MAX: variants seen among roughly 807,000 people sequenced by gnomAD.
The protein encoded by MAX is MYC associated transcriptional regulator X, also known as protein max.
MAX carries 3 observed loss-of-function variants against 22.3 expected under a neutral mutation model. The observed-to-expected ratio is 0.13, with a 90% confidence interval of 0.06 to 0.35. MAX has a LOEUF of 0.35. Among genes scored for constraint, MAX ranks in the 10% least tolerant of loss-of-function variants. MAX has a pLI of 1.00. For missense variants in MAX, 119 were observed against 209.4 expected (o/e 0.57, Z 2.66); for synonymous variants, 72 against 77.7 (o/e 0.93, Z 0.39).
At chr14:65,022,344 T>A (rs996762583) in intron 3 of MAX, among the ~76,000 whole-genome samples, 11 of 152,036 alleles carry the variant, frequency 7.2e-5, no homozygotes, top group Non-Finnish European at 1.3e-4. Context: ...TTATAACTTA[T>A]CCTAGGCCTT....
chr14:65,089,248 C>A (rs1005210456), intron 3 of MAX, among the ~76,000 whole-genome samples: 1 of 152,184 alleles, frequency 6.6e-6, no homozygotes, highest in Non-Finnish European at 1.5e-5. Flanking sequence ...AACTGAGAAC[C>A]TACTATGTGC....
chr14:65,055,755 G>A (rs1566579925), intron 3 of MAX, among the ~76,000 whole-genome samples: 1 of 152,112 alleles, frequency 6.6e-6, no homozygotes, highest in South Asian at 2.1e-4. Context: ...GGCCTCAAGT[G>A]ATATGCCTGC....
intron 3 of MAX, chr14:65,040,705 T>G: frequency 7.0e-7 from 1 of 1,423,996 alleles, no homozygotes; most frequent in Non-Finnish European, 9.3e-7. Context: ...CTGAGTGAAC[T>G]TTTTCTCTGC....
Position 65,075,804 on chromosome 14 carries a change from C to T in MAX, c.*672G>A. 9.4e-7 allele frequency: 1 copy of T among 1,065,524 alleles called. No homozygotes were observed. Among genetic ancestry groups the T allele is most frequent in the South Asian group, 4.5e-5 (1 of 22,004 alleles). 66.0% of individuals were successfully genotyped at this position (1,065,524 alleles called of 1,614,324 possible). On this transcript the variant is annotated 3_prime_UTR_variant, in exon 5 of 5. Transcript: ENST00000358664. This position sits in a 1 kb window ranked among gnomAD's most constrained non-coding sequence, Gnocchi z 4.1. The stretch of plus-strand genomic sequence containing the variant: ...GAGTGTCACACGGCCCTCCGTGAGG[C>T]TGGCGCCGCAGGCTTAAACAGCTGG...
In MAX at chr14:65,012,464, A is replaced by G; in HGVS notation, c.172-6180T>C. The G allele has an allele frequency of 3.8e-6, 6 of 1,585,694 alleles. No homozygotes were observed. The highest frequency in any genetic ancestry group is 4.3e-6 in the Non-Finnish European group (5 of 1,159,872). On this transcript the variant is annotated intron_variant, in intron 3 of 3. Transcript: ENST00000341653. This position sits in a 1 kb window ranked among gnomAD's most constrained non-coding sequence, Gnocchi z 5.0. ...TCCTCCTTTTTCTATTTAAACGTAA[A>G]AGACTGTTGGGGCTGACCTGTTGCA...
chr14:65,080,001 C>T (rs1015706343), intron 3 of MAX, among the ~76,000 whole-genome samples: 4 of 152,164 alleles, frequency 2.6e-5, no homozygotes, highest in African/African-American at 9.7e-5. Context: ...CCAAAGCTTA[C>T]TTACTATCTA....
In MAX at chr14:65,088,580, A is replaced by C. The variant is rs1448316850; in HGVS notation, c.171+5128T>G. 6.6e-6 allele frequency among the ~76,000 whole-genome samples: 1 copy of C among 152,236 alleles called. No homozygotes were observed. The highest frequency in any genetic ancestry group is 1.9e-4 in the East Asian group (1 of 5,204). On this transcript the variant is annotated intron_variant, in intron 3 of 4. Transcript: ENST00000358664. This position sits in a 1 kb window ranked among gnomAD's most constrained non-coding sequence, Gnocchi z 5.2. ...GATATGCTATAGACATAGGTTACCG[A>C]ATGAACTGTCAGCCTTAAACGCATC...
intron 3 of MAX, among the ~76,000 whole-genome samples, chr14:65,008,499 T>C (rs1595007338): frequency 6.6e-6 from 1 of 152,164 alleles, no homozygotes; most frequent in Non-Finnish European, 1.5e-5. Flanking sequence ...AACACAAATA[T>C]ACAGTTACCG....
intron 3 of MAX, among the ~76,000 whole-genome samples, chr14:65,025,385 G>A (rs948814630): frequency 1.5e-4 from 23 of 152,136 alleles, no homozygotes; most frequent in Non-Finnish European, 3.2e-4. Flanking sequence ...GAAACCTTTT[G>A]GTATGCTAGT....
chr14:65,077,281 C>T lies in MAX; in HGVS notation c.296-618G>A. 7.9e-7 allele frequency: 1 copy of T among 1,257,896 alleles called. No individual in the cohort carries two copies. The highest frequency in any genetic ancestry group is 1.1e-6 in the Non-Finnish European group (1 of 880,484). 77.9% of individuals were successfully genotyped at this position (1,257,896 alleles called of 1,614,324 possible). A position where few individuals can be genotyped will look rare whatever the true frequency, so the allele number is the denominator to read the frequency against. On this transcript the variant is annotated intron_variant, in intron 4 of 4. Transcript: ENST00000358664. This position sits in a 1 kb window ranked among gnomAD's most constrained non-coding sequence, Gnocchi z 6.3. ...TCAGCTCAGCTTGAGCCTGGAAGGT[C>T]AACCCATTTAATTTATTTTATTTTA...
chr14:65,091,904 A>AGTGCC (rs2139864097), intron 3 of MAX: 1 of 152,344 alleles, frequency 6.6e-6, no homozygotes, highest in South Asian at 2.1e-4. Context: ...TATCTAGGAT[A>AGTGCC]GTGCCTGGCA....
Position 65,093,953 on chromosome 14 carries a change from C to A in MAX, c.64-138G>T. On this transcript the variant is annotated intron_variant, in intron 2 of 4. Transcript: ENST00000358664. This position sits in a 1 kb window ranked among gnomAD's most constrained non-coding sequence, Gnocchi z 4.4. ...ACTGGGAAGGATTTCTCGAGGTGGG[C>A]AGTTAGGAGTCTCCAGAATTAGGCT... 1.4e-6 allele frequency: 1 copy of A among 708,722 alleles called. No individual in the cohort carries two copies. The highest frequency in any genetic ancestry group is 2.6e-6 in the Non-Finnish European group (1 of 384,154). The allele number at this position is 708,722 out of a possible 1,614,324, so 43.9% of individuals were successfully genotyped here. A position where few individuals can be genotyped will look rare whatever the true frequency, so the allele number is the denominator to read the frequency against.
rs899342023 is a variant in MAX, at chr14:65,084,384, G to C, written c.172-6348C>G. 18 of 858,682 alleles carry C rather than the reference G, an allele frequency of 2.1e-5. No individual in the cohort carries two copies. The South Asian group carries it at 2.3e-4, about 11-fold the overall frequency. The allele number at this position is 858,682 out of a possible 1,614,324, so 53.2% of individuals were successfully genotyped here. On this transcript the variant is annotated intron_variant, in intron 3 of 4. Coordinates refer to ENST00000358664, the MANE Select transcript of MAX (RefSeq NM_002382.5). This position sits in a 1 kb window ranked among gnomAD's most constrained non-coding sequence, Gnocchi z 4.3. ...TTACTAACTTTTGTTTACTGAATTA[G>C]TTACCCTCTTCCAAAAAAAAAAATT...
chr14:65,061,510 C>T (rs2062865155), intron 3 of MAX: 5 of 990,326 alleles, frequency 5.0e-6, no homozygotes, highest in Non-Finnish European at 1.4e-6. Flanking sequence ...AAATTCTTTC[C>T]ACACCTGTCA....
In MAX at chr14:65,075,650, CA is replaced by C; in HGVS notation, c.*825del. On this transcript the variant is annotated 3_prime_UTR_variant, in exon 5 of 5. Coordinates refer to ENST00000358664, the MANE Select transcript of MAX (RefSeq NM_002382.5). This position sits in a 1 kb window ranked among gnomAD's most constrained non-coding sequence, Gnocchi z 4.1. The stretch of plus-strand genomic sequence containing the variant: ...AATTTAAGTAGCAGGAAATAAATAT[CA>C]AAACATCATCACTGGCCCTCAATAC... 1 of 1,066,434 alleles carries C rather than the reference CA, an allele frequency of 9.4e-7. No individual in the cohort carries two copies. The highest frequency in any genetic ancestry group is 1.6e-5 in the African/African-American group (1 of 61,230). The allele number at this position is 1,066,434 out of a possible 1,614,324, so 66.1% of individuals were successfully genotyped here.
At chr14:65,097,211 G>T (rs1445215309) in intron 2 of MAX, among the ~76,000 whole-genome samples, 1 of 152,224 alleles carries the variant, frequency 6.6e-6, no homozygotes, top group Non-Finnish European at 1.5e-5. Flanking sequence ...TGTATCTTAA[G>T]TGTTGTTAGA....
intron 3 of MAX, among the ~76,000 whole-genome samples, chr14:65,066,709 C>A (rs2139713039): frequency 6.6e-6 from 1 of 151,628 alleles, no homozygotes; most frequent in Non-Finnish European, 1.5e-5. Context: ...ACAAAATTAG[C>A]CGCGCATGGT....
Position 65,009,108 on chromosome 14 carries a change from T to C in MAX, c.172-2824A>G, listed in dbSNP as rs575382832. 6.6e-6 allele frequency among the ~76,000 whole-genome samples: 1 copy of C among 152,304 alleles called. No individual in the cohort carries two copies. The highest frequency in any genetic ancestry group is 2.1e-4 in the South Asian group (1 of 4,824). On this transcript the variant is annotated intron_variant, in intron 3 of 3. Coordinates refer to the MAX transcript ENST00000341653. The surrounding 1 kb of genome is among the most constrained non-coding windows in gnomAD (Gnocchi z 4.2). Reference sequence around the variant, plus strand: ...AGAGCTCTACCTTTTCTTTCTTAACTTCCTACACAGAAAAGATTTTTGGAT... The same window carrying C: ...AGAGCTCTACCTTTTCTTTCTTAACCTCCTACACAGAAAAGATTTTTGGAT...
In MAX at chr14:65,032,035, G is replaced by A. The variant is rs1307522475; in HGVS notation, c.172-25751C>T. 6.8e-6 allele frequency among the ~76,000 whole-genome samples: 1 copy of A among 148,076 alleles called. No homozygotes were observed. Among genetic ancestry groups the A allele is most frequent in the Non-Finnish European group, 1.5e-5 (1 of 67,534 alleles). ...GTGTGTGTGTACTGGTGAGAGGTTT[G>A]AAATCAAGGCTCTTTTCTCCCTCTA... On this transcript the variant is annotated intron_variant, in intron 3 of 3. Coordinates refer to the MAX transcript ENST00000341653. The surrounding 1 kb of genome is among the most constrained non-coding windows in gnomAD (Gnocchi z 5.0).
Sources: gnomAD v4.1 joint callset for allele counts (sites outside exome capture counted in the v4.1 genomes callset) on GRCh38, gnomAD v4.1.1 for gene constraint, Gnocchi (gnomAD v3.1) non-coding constraint, MANE v1.5 for transcripts, NCBI Gene and HGNC (gene_info 2026-07-23, HGNC 2026-07-21) for gene names.